ERGIC1: variants seen among roughly 807,000 people sequenced by gnomAD.
The protein encoded by ERGIC1 is endoplasmic reticulum-golgi intermediate compartment 1, also known as endoplasmic reticulum-Golgi intermediate compartment protein 1.
Under a neutral mutation model 38.3 loss-of-function variants are expected in ERGIC1, and 19 were observed. The ratio of observed to expected loss-of-function variants is 0.50; its 90% CI spans 0.35 to 0.73. The LOEUF (loss-of-function observed/expected upper bound fraction) is 0.73, where lower values mean the gene tolerates loss of function less well. ERGIC1 is among the 30% of genes least tolerant of loss of function. The pLI is 0.01. For missense variants in ERGIC1, 294 were observed against 389.2 expected (o/e 0.76, Z 2.06); for synonymous variants, 124 against 157.6 (o/e 0.79, Z 1.60).
Position 172,918,694 on chromosome 5 carries a change from G to A in ERGIC1, c.375+3856G>A, listed in dbSNP as rs373234431. Among the ~76,000 whole-genome samples the A allele has an allele frequency of 5.8e-4, 89 of 152,226 alleles. 1 individual carries two copies. Among genetic ancestry groups the A allele is most frequent in the African/African-American group, 2.0e-3 (84 of 41,458 alleles). On this transcript the variant is annotated intron_variant, in intron 5 of 9. Transcript: ENST00000393784. Reference sequence around the variant, plus strand: ...GAGAAGGGGCCGCTGCAGGAGCCACGTCCTTACGAAGCAATGGGAGCCAGA... The same window carrying A: ...GAGAAGGGGCCGCTGCAGGAGCCACATCCTTACGAAGCAATGGGAGCCAGA...
At chr5:172,850,511 C>T (rs942235921) in intron 1 of ERGIC1, among the ~76,000 whole-genome samples, 5 of 152,138 alleles carry the variant, frequency 3.3e-5, no homozygotes, top group African/African-American at 4.8e-5. Flanking sequence ...AGGTGGGCAC[C>T]GTGTAGTGCG....
At chr5:172,887,880 G>A (rs1413490300) in intron 1 of ERGIC1, among the ~76,000 whole-genome samples, 1 of 152,182 alleles carries the variant, frequency 6.6e-6, no homozygotes, top group Non-Finnish European at 1.5e-5. Context: ...AGCAGGAGCT[G>A]GGGGGTGCAG....
At chr5:172,839,401 A>G (rs1761105509) in intron 1 of ERGIC1, among the ~76,000 whole-genome samples, 1 of 151,608 alleles carries the variant, frequency 6.6e-6, no homozygotes, top group Non-Finnish European at 1.5e-5. Context: ...CCCCATCTCT[A>G]TGGGGAAAAA....
intron 1 of ERGIC1, among the ~76,000 whole-genome samples, chr5:172,880,828 T>C (rs928577978): frequency 6.6e-6 from 1 of 152,236 alleles, no homozygotes; most frequent in Non-Finnish European, 1.5e-5. Context: ...CAGCAGGGGA[T>C]AAACCGCGTG....
chr5:172,902,904 A>G (rs1408437260), intron 3 of ERGIC1, among the ~76,000 whole-genome samples: 1 of 152,124 alleles, frequency 6.6e-6, no homozygotes, highest in Non-Finnish European at 1.5e-5. Context: ...ATTGTTTTGT[A>G]TAGATGTCAT....
In ERGIC1 at chr5:172,935,025, C is replaced by T. The variant is rs1311634228; in HGVS notation, c.643-163C>T. On this transcript the variant is annotated intron_variant, in intron 8 of 9. Coordinates refer to ENST00000393784, the MANE Select transcript of ERGIC1 (RefSeq NM_001031711.3). ...CTGTGCACGGCAGAGTTCAGGGCCT[C>T]CAGGGGAAGGGATGTGAGAGAGGGA... 3 of 1,034,864 alleles carry T rather than the reference C, an allele frequency of 2.9e-6. No homozygotes were observed. The African/African-American group carries it at 4.7e-5, about 16-fold the overall frequency. The allele number at this position is 1,034,864 out of a possible 1,614,324, so 64.1% of individuals were successfully genotyped here.
At chr5:172,947,876 T>TTGTGTGTGTGTG (rs10566172) in intron 9 of ERGIC1, among the ~76,000 whole-genome samples, 174 of 145,822 alleles carry the variant, frequency 1.2e-3, no homozygotes, top group African/African-American at 3.7e-3. Flanking sequence ...CAGATGTGTT[T>TTGTGTGTGTGTG]TGTGTGTGTG....
chr5:172,892,501 G>A (rs1052459781), intron 2 of ERGIC1, among the ~76,000 whole-genome samples: 4 of 152,052 alleles, frequency 2.6e-5, no homozygotes, highest in African/African-American at 4.8e-5. Context: ...TTGACCTCTC[G>A]GAGCCTTGGG....
intron 3 of ERGIC1, among the ~76,000 whole-genome samples, chr5:172,908,752 A>G (rs932616511): frequency 6.6e-6 from 1 of 152,196 alleles, no homozygotes; most frequent in African/African-American, 2.4e-5. Context: ...ATAAGACAAT[A>G]AATGTGTGTT....
chr5:172,848,106 G>C (rs146810600), intron 1 of ERGIC1, among the ~76,000 whole-genome samples: 1 of 152,366 alleles, frequency 6.6e-6, no homozygotes, highest in East Asian at 1.9e-4. Context: ...ATACTCAAAA[G>C]AGAGCTGAAC....
At chr5:172,901,649 G>T (rs1380944270) in intron 3 of ERGIC1, among the ~76,000 whole-genome samples, 1 of 152,046 alleles carries the variant, frequency 6.6e-6, no homozygotes, top group Non-Finnish European at 1.5e-5. Flanking sequence ...TGTTGCCCGG[G>T]CTGGAGGGCA....
At chr5:172,935,339 C>T in intron 9 of ERGIC1, 29 bp downstream of exon 9, 1 of 1,613,338 alleles carries the variant, frequency 6.2e-7, no homozygotes. Context: ...TGGGTGGGGC[C>T]CTGAGCCAGC....
chr5:172,945,796 T>A (rs1764109383), intron 9 of ERGIC1, among the ~76,000 whole-genome samples: 1 of 152,166 alleles, frequency 6.6e-6, no homozygotes, highest in South Asian at 2.1e-4. Context: ...GCAATTCTCA[T>A]GCATCAGCCT....
chr5:172,840,567 G>A (rs116185376), intron 1 of ERGIC1, among the ~76,000 whole-genome samples: 3,216 of 152,256 alleles, frequency 0.021, 123 homozygotes, highest in African/African-American at 0.075. Context: ...GCTGAGAGCA[G>A]CAGGGGAGCC....
chr5:172,835,099 G>C (rs1761002431), intron 1 of ERGIC1, among the ~76,000 whole-genome samples: 1 of 152,218 alleles, frequency 6.6e-6, no homozygotes, highest in Non-Finnish European at 1.5e-5. Context: ...GTCCTTTGTG[G>C]GGTCCAGCTG....
chr5:172,881,957 G>A (rs1762296142), intron 1 of ERGIC1, among the ~76,000 whole-genome samples: 1 of 152,134 alleles, frequency 6.6e-6, no homozygotes, highest in Non-Finnish European at 1.5e-5. Flanking sequence ...TCACATCACC[G>A]CAGCAAGGGA....
At chr5:172,862,510 G>A (rs1185854838) in intron 1 of ERGIC1, among the ~76,000 whole-genome samples, 2 of 152,090 alleles carry the variant, frequency 1.3e-5, no homozygotes, top group Non-Finnish European at 2.9e-5. Context: ...TCAGCTGTAA[G>A]ATCCCTTTTC....
chr5:172,836,771 G>C (rs1057146423), intron 1 of ERGIC1, among the ~76,000 whole-genome samples: 2 of 152,218 alleles, frequency 1.3e-5, no homozygotes, highest in Non-Finnish European at 2.9e-5. Flanking sequence ...TCCCAGGAGT[G>C]GGGGTGTGCG....
At chr5:172,843,712 G>A (rs573134787) in intron 1 of ERGIC1, among the ~76,000 whole-genome samples, 1 of 152,296 alleles carries the variant, frequency 6.6e-6, no homozygotes, top group East Asian at 1.9e-4. Context: ...GGTCCCCTGC[G>A]GAACGCTGTG....
Sources: allele counts gnomAD v4.1 joint callset (sites outside exome capture counted in the v4.1 genomes callset), GRCh38; gene constraint gnomAD v4.1.1; transcripts MANE v1.5; gene names NCBI Gene and HGNC (gene_info 2026-07-23, HGNC 2026-07-21).